FARS2: variants seen among roughly 807,000 people sequenced by gnomAD.
The protein encoded by FARS2 is phenylalanyl-tRNA synthetase 2, mitochondrial, also known as phenylalanine--tRNA ligase, mitochondrial.
Under a neutral mutation model 46.4 loss-of-function variants are expected in FARS2, and 40 were observed. The observed-to-expected ratio is 0.86, with a 90% confidence interval of 0.67 to 1.12. FARS2 has a LOEUF of 1.12. FARS2 is among the 50% of genes most tolerant of loss of function. The pLI is 0.00. For missense variants in FARS2, 513 were observed against 567.9 expected, an observed-to-expected ratio of 0.90 and a Z score of 0.98; for synonymous variants, 234 against 214.9, an observed-to-expected ratio of 1.09 and a Z score of -0.78.
chr6:5,266,638 A>G (rs1765569320), intron 1 of FARS2, among the ~76,000 whole-genome samples: 1 of 152,234 alleles, frequency 6.6e-6, no homozygotes, highest in Admixed American at 6.5e-5. Context: ...TGCTTCACAG[A>G]TAAAGTACCA....
At chr6:5,637,845 C>T (rs1776619450) in intron 6 of FARS2, among the ~76,000 whole-genome samples, 1 of 152,152 alleles carries the variant, frequency 6.6e-6, no homozygotes, top group Non-Finnish European at 1.5e-5. Flanking sequence ...CTTATCAGGA[C>T]ACAAATCAGA....
rs555938395 is a variant in FARS2 at position 5,401,663 on chromosome 6, A to G, written c.613-2879A>G. On this transcript the variant is annotated intron_variant, in intron 2 of 6. Coordinates refer to ENST00000274680, the MANE Select transcript of FARS2 (RefSeq NM_006567.5). ...TTCAGAAAGAGCTCATTAATGTGACATTCCTATGCTCTTGTGTGTTTCACG... is the reference window on the plus strand; with the variant it reads ...TTCAGAAAGAGCTCATTAATGTGACGTTCCTATGCTCTTGTGTGTTTCACG... Among the ~76,000 whole-genome samples the G allele has an allele frequency of 4.8e-5, 6 of 124,182 alleles. No individual in the cohort carries two copies. The South Asian group carries it at 1.4e-3, about 29-fold the overall frequency. The allele number at this position is 124,182 out of a possible 152,430, so 81.5% of individuals were successfully genotyped here.
chr6:5,683,839 C>T (rs1490514685), intron 6 of FARS2, among the ~76,000 whole-genome samples: 2 of 152,112 alleles, frequency 1.3e-5, no homozygotes, highest in African/African-American at 4.8e-5. Context: ...TCTCATTCTT[C>T]AATTCCCACT....
At chr6:5,310,596 A>G (rs923245663) in intron 1 of FARS2, among the ~76,000 whole-genome samples, 4 of 152,008 alleles carry the variant, frequency 2.6e-5, no homozygotes, top group Non-Finnish European at 5.9e-5. Flanking sequence ...GTAGTTTAAG[A>G]AAAAAAATAC....
chr6:5,770,401 T>TTGCTGCTGCTGC (rs3058189), intron 6 of FARS2, among the ~76,000 whole-genome samples: 56 of 151,514 alleles, frequency 3.7e-4, no homozygotes, highest in Non-Finnish European at 6.2e-4. Context: ...TCTGTTGTTG[T>TTGCTGCTGCTGC]TGCTGCTGCT....
At chr6:5,753,791 C>A (rs1278518242) in intron 6 of FARS2, among the ~76,000 whole-genome samples, 1 of 152,120 alleles carries the variant, frequency 6.6e-6, no homozygotes, top group Non-Finnish European at 1.5e-5. Flanking sequence ...AGAGACTCAC[C>A]GGCCATTAAA....
the FARS2 span, among the ~76,000 whole-genome samples, chr6:5,252,730 T>C: frequency 6.6e-6 from 1 of 152,316 alleles, no homozygotes; most frequent in East Asian, 1.9e-4. Context: ...TGGAAAGCTT[T>C]ACCCTTTCCT....
chr6:5,293,557 A>G (rs896917398), intron 1 of FARS2, among the ~76,000 whole-genome samples: 2 of 152,234 alleles, frequency 1.3e-5, no homozygotes, highest in Non-Finnish European at 2.9e-5. Context: ...TCACTACAAG[A>G]AATTTGGATG....
chr6:5,537,466 C>CTGGAGATGTCCCGGGCCTCCTCTCGAGT lies in FARS2; in HGVS notation c.905-7641_905-7614dup, dbSNP rs70975918. Among the ~76,000 whole-genome samples the CTGGAGATGTCCCGGGCCTCCTCTCGAGT allele has an allele frequency of 2.6e-4, 31 of 120,930 alleles. 12 individuals carry two copies. Among genetic ancestry groups the CTGGAGATGTCCCGGGCCTCCTCTCGAGT allele is most frequent in the Admixed American group, 1.1e-3 (13 of 11,994 alleles). The allele number at this position is 120,930 out of a possible 152,430, so 79.3% of individuals were successfully genotyped here. A position where few individuals can be genotyped will look rare whatever the true frequency, so the allele number is the denominator to read the frequency against. ...GAGATGTCCCGGGCCTCCTCTCGAG[C>CTGGAGATGTCCCGGGCCTCCTCTCGAGT]TGGAGATGTCCCGGGCCTCCTCTCG... On this transcript the variant is annotated intron_variant, in intron 4 of 6. Transcript: ENST00000274680.
intron 1 of FARS2, among the ~76,000 whole-genome samples, chr6:5,335,463 A>T (rs149185320): frequency 6.6e-5 from 10 of 152,230 alleles, no homozygotes; most frequent in Non-Finnish European, 1.0e-4. Flanking sequence ...TTACATATTG[A>T]TGTTATTTGT....
At chr6:5,511,560 A>G (rs2150403957) in intron 4 of FARS2, among the ~76,000 whole-genome samples, 1 of 152,356 alleles carries the variant, frequency 6.6e-6, no homozygotes, top group East Asian at 1.9e-4. Flanking sequence ...CAAGCAGACA[A>G]GAAACTTCAT....
intron 5 of FARS2, among the ~76,000 whole-genome samples, chr6:5,554,598 T>A (rs889791505): frequency 2.0e-5 from 3 of 152,208 alleles, no homozygotes; most frequent in Non-Finnish European, 4.4e-5. Context: ...GTACATTAAT[T>A]TGTTGAGGAC....
rs143054462 is a variant in FARS2, at chr6:5,500,756, G to A, written c.905-44424G>A. Among the ~76,000 whole-genome samples the A allele has an allele frequency of 4.8e-3, 733 of 152,066 alleles. 2 individuals are homozygous for A. The highest frequency in any genetic ancestry group is 6.8e-3 in the Non-Finnish European group (460 of 67,970). On this transcript the variant is annotated intron_variant, in intron 4 of 6. Coordinates refer to ENST00000274680, the MANE Select transcript of FARS2 (RefSeq NM_006567.5). The stretch of plus-strand genomic sequence containing the variant: ...TTACATTTTTTTTTTTTAAAGGAGA[G>A]GATGTATTAAAATGACACTGGATAA...
At chr6:5,353,500 T>G (rs745914420) in intron 1 of FARS2, among the ~76,000 whole-genome samples, 3 of 152,140 alleles carry the variant, frequency 2.0e-5, no homozygotes, top group Non-Finnish European at 4.4e-5. Context: ...AGTGGCTGTA[T>G]TAATTTGCAT....
At chr6:5,553,468 G>A (rs1172649753) in intron 5 of FARS2, among the ~76,000 whole-genome samples, 1 of 152,148 alleles carries the variant, frequency 6.6e-6, no homozygotes. Context: ...AGTTGTAGCA[G>A]AGCCATCATC....
chr6:5,674,694 G>A (rs2150817537), intron 6 of FARS2, among the ~76,000 whole-genome samples: 1 of 152,304 alleles, frequency 6.6e-6, no homozygotes, highest in South Asian at 2.1e-4. Context: ...GGATGGAGGT[G>A]TGATATTTGC....
In FARS2 at chr6:5,764,927, G is replaced by A. The variant is rs745846612; in HGVS notation, c.1218-6364G>A. On this transcript the variant is annotated intron_variant, in intron 6 of 6. Transcript: ENST00000274680. The surrounding 1 kb of genome is among the most constrained non-coding windows in gnomAD (Gnocchi z 4.1). The stretch of plus-strand genomic sequence containing the variant: ...CCTTCTTGGCACACTTTGAACTGGA[G>A]AGCAGTGACACTCTTGGCAGTGCTT... Among the ~76,000 whole-genome samples, 27 of 152,346 alleles carry A rather than the reference G, an allele frequency of 1.8e-4. No individual in the cohort carries two copies. The highest frequency in any genetic ancestry group is 1.9e-4 in the Non-Finnish European group (13 of 68,032).
At chr6:5,666,013 A>G (rs1462936800) in intron 6 of FARS2, among the ~76,000 whole-genome samples, 2 of 152,172 alleles carry the variant, frequency 1.3e-5, no homozygotes, top group South Asian at 2.1e-4. Flanking sequence ...CGGGAAGGGA[A>G]GTACCTCTGG....
intron 1 of FARS2, among the ~76,000 whole-genome samples, chr6:5,326,861 CTT>C (rs1333616786): frequency 1.3e-5 from 2 of 152,206 alleles, no homozygotes; most frequent in African/African-American, 4.8e-5. Context: ...TTTACATACA[CTT>C]AGCATTAATT....
Sources: gnomAD v4.1 joint callset for allele counts (sites outside exome capture counted in the v4.1 genomes callset) on GRCh38, gnomAD v4.1.1 for gene constraint, Gnocchi (gnomAD v3.1) non-coding constraint, MANE v1.5 for transcripts, NCBI Gene and HGNC (gene_info 2026-07-23, HGNC 2026-07-21) for gene names.